STARD13: variants seen among roughly 807,000 people sequenced by gnomAD.
STARD13 encodes StAR related lipid transfer domain containing 13, also known as stAR-related lipid transfer protein 13.
In STARD13, 62 loss-of-function variants were observed where a neutral mutation model predicts 106.4. That is an observed-to-expected ratio of 0.58 (90% confidence interval 0.48 to 0.72). The LOEUF (loss-of-function observed/expected upper bound fraction) is 0.72, where lower values mean the gene tolerates loss of function less well. Among genes scored for constraint, STARD13 ranks in the 30% least tolerant of loss-of-function variants. STARD13 has a pLI of 0.00. For missense variants in STARD13, 1,387 were observed against 1,424.0 expected (o/e 0.97, Z 0.42); for synonymous variants, 565 against 553.0 (o/e 1.02, Z -0.31).
At chr13:33,370,938 TTAAG>T in the STARD13 span, among the ~76,000 whole-genome samples, 1 of 152,086 alleles carries the variant, frequency 6.6e-6, no homozygotes, top group Admixed American at 6.6e-5. Context: ...CATATTTTCT[TTAAG>T]TATAGAAATA....
At chr13:33,182,452 A>G (rs1161174544) in intron 1 of STARD13, among the ~76,000 whole-genome samples, 1 of 152,072 alleles carries the variant, frequency 6.6e-6, no homozygotes, top group Non-Finnish European at 1.5e-5. Context: ...TTAAACTCCT[A>G]CCCTCCTCCC....
At chr13:33,669,772 G>C in the STARD13 span, among the ~76,000 whole-genome samples, 1 of 151,696 alleles carries the variant, frequency 6.6e-6, no homozygotes, top group Admixed American at 6.6e-5. Context: ...CTGACCTCGT[G>C]ATCCACCCAC....
the STARD13 span, among the ~76,000 whole-genome samples, chr13:33,519,653 AT>A: frequency 2.6e-5 from 4 of 152,098 alleles, no homozygotes; most frequent in South Asian, 2.1e-4. Context: ...CCATTACATA[AT>A]TTTTTTAGCA....
At chr13:33,579,905 AAC>A in the STARD13 span, among the ~76,000 whole-genome samples, 4 of 152,006 alleles carry the variant, frequency 2.6e-5, no homozygotes, top group East Asian at 7.7e-4. Context: ...TAAAATCACA[AAC>A]ACAACACTGA....
chr13:33,303,416 T>C (rs920137486), intron 1 of STARD13, among the ~76,000 whole-genome samples: 1 of 152,148 alleles, frequency 6.6e-6, no homozygotes, highest in Non-Finnish European at 1.5e-5. Context: ...CATGGCTGGG[T>C]GACCCTAGAC....
At chr13:33,114,312 G>A (rs964019306) in intron 8 of STARD13, among the ~76,000 whole-genome samples, 2 of 152,110 alleles carry the variant, frequency 1.3e-5, no homozygotes, top group African/African-American at 2.4e-5. Context: ...GGGGGCTATC[G>A]ATGCTGGATT....
the STARD13 span, among the ~76,000 whole-genome samples, chr13:33,436,916 T>C: frequency 6.6e-6 from 1 of 152,140 alleles, no homozygotes; most frequent in Non-Finnish European, 1.5e-5. Context: ...GGGTCAACAG[T>C]GGGTCAGGGT....
At chr13:33,125,128 A>G (rs183834063) in intron 7 of STARD13, among the ~76,000 whole-genome samples, 7 of 152,346 alleles carry the variant, frequency 4.6e-5, no homozygotes, top group Admixed American at 4.6e-4. Context: ...GTGTGGTCTC[A>G]GTATTGGGGT....
chr13:33,331,209 C>T lies in STARD13; in HGVS notation c.124+19081G>A, dbSNP rs538122831. On this transcript the variant is annotated intron_variant, in intron 1 of 5. Transcript: ENST00000567873. ...CATCAAATAATTCCTCATGCTGCTC[C>T]GTGCATCTGTTTCTTTGCCTGTGCT... 4.6e-5 allele frequency among the ~76,000 whole-genome samples: 7 copies of T among 152,234 alleles called. No homozygotes were observed. The East Asian group carries it at 9.7e-4, about 21-fold the overall frequency.
In STARD13 at chr13:33,165,399, G is replaced by A. The variant is rs369367733; in HGVS notation, c.261C>T (p.Asn87=). The A allele has an allele frequency of 1.9e-6, 3 of 1,613,536 alleles. No individual in the cohort carries two copies. Among genetic ancestry groups the A allele is most frequent in the African/African-American group, 2.7e-5 (2 of 75,052 alleles). The change falls in exon 3 of 14, where the codon AAC becomes AAT. Residue 87 remains asparagine, a synonymous_variant. Coordinates refer to ENST00000336934, the MANE Select transcript of STARD13 (RefSeq NM_178006.4). ...CATGATCATTCTTGACAGCCACAATGTTGATGGGAAATTGTGAATCTGAGA... is the reference window on the plus strand; with the variant it reads ...CATGATCATTCTTGACAGCCACAATATTGATGGGAAATTGTGAATCTGAGA... ...QLYEDSQFPI[N]IVAVKNDHDF... is the part of the protein sequence containing the mutation.
chr13:33,620,513 C>A, the STARD13 span, among the ~76,000 whole-genome samples: 1 of 151,826 alleles, frequency 6.6e-6, no homozygotes, highest in African/African-American at 2.4e-5. Context: ...AAACTCCTGA[C>A]CTCAGGTGAT....
chr13:33,516,199 TTA>T, the STARD13 span, among the ~76,000 whole-genome samples: 1 of 147,956 alleles, frequency 6.8e-6, no homozygotes, highest in Non-Finnish European at 1.5e-5. Context: ...TTATATATAT[TTA>T]TGTCATAATA....
chr13:33,352,954 C>T (rs1298622864), upstream of STARD13, among the ~76,000 whole-genome samples: 1 of 152,214 alleles, frequency 6.6e-6, no homozygotes, highest in South Asian at 2.1e-4. Flanking sequence ...CAGGTAACCC[C>T]CTAGCCCTAC....
chr13:33,339,156 C>G (rs1043190871), intron 1 of STARD13, among the ~76,000 whole-genome samples: 1 of 152,170 alleles, frequency 6.6e-6, no homozygotes, highest in Non-Finnish European at 1.5e-5. Flanking sequence ...CTATGCTTAT[C>G]CTCCTCTTTA....
At chr13:33,487,021 A>T in the STARD13 span, among the ~76,000 whole-genome samples, 1 of 152,208 alleles carries the variant, frequency 6.6e-6, no homozygotes, top group African/African-American at 2.4e-5. Flanking sequence ...TAAAACAATG[A>T]CCTTTTAGAA....
In STARD13 at chr13:33,172,468, C is replaced by T. The variant is rs530525431; in HGVS notation, c.170-4846G>A. Among the ~76,000 whole-genome samples the T allele has an allele frequency of 8.5e-5, 13 of 152,254 alleles. 1 individual carries two copies. The highest frequency in any genetic ancestry group is 7.2e-4 in the Admixed American group (11 of 15,288). On this transcript the variant is annotated intron_variant, in intron 1 of 13. Coordinates refer to ENST00000336934, the MANE Select transcript of STARD13 (RefSeq NM_178006.4). ...TTTAATGTAGTCTCTTAGCTACAGA[C>T]AGTCTGTGGACAAGGCTCTGTAGGA... is the stretch of plus-strand genomic sequence containing the variant.
chr13:33,494,986 G>A, the STARD13 span, among the ~76,000 whole-genome samples: 2 of 152,174 alleles, frequency 1.3e-5, no homozygotes, highest in African/African-American at 4.8e-5. Flanking sequence ...CTGTCTGAAT[G>A]TTATCAATGC....
chr13:33,346,711 C>T (rs1283492183), downstream of STARD13, among the ~76,000 whole-genome samples: 2 of 151,992 alleles, frequency 1.3e-5, no homozygotes, highest in African/African-American at 2.4e-5. Flanking sequence ...CTCACTGCAA[C>T]CTCCGCCTCC....
At chr13:33,625,478 G>T in the STARD13 span, among the ~76,000 whole-genome samples, 1 of 152,018 alleles carries the variant, frequency 6.6e-6, no homozygotes, top group African/African-American at 2.4e-5. Context: ...GCTGAGGCAG[G>T]AGAATCACTT....
Sources: gnomAD v4.1 joint callset for allele counts (sites outside exome capture counted in the v4.1 genomes callset) on GRCh38, gnomAD v4.1.1 for gene constraint, MANE v1.5 for transcripts, NCBI Gene and HGNC (gene_info 2026-07-23, HGNC 2026-07-21) for gene names.